SERPINB3: variants seen among roughly 807,000 people sequenced by gnomAD.
SERPINB3 encodes serpin B3.
SERPINB3 carries 33 observed loss-of-function variants against 33.0 expected under a neutral mutation model. The ratio of observed to expected loss-of-function variants is 1.00; its 90% CI spans 0.76 to 1.34. The LOEUF (loss-of-function observed/expected upper bound fraction) is 1.34. Ranked by LOEUF, SERPINB3 falls within the 40% of genes most tolerant of loss-of-function variation. SERPINB3 has a pLI of 0.00. For synonymous variants in SERPINB3, 200 were observed against 170.9 expected (o/e 1.17, Z -1.33); for missense variants, 518 against 461.5 (o/e 1.12, Z -1.12).
chr18:63,656,881 C>A lies in SERPINB3; in HGVS notation c.718G>T (p.Asp240Tyr), dbSNP rs61733410. The A allele has an allele frequency of 2.3e-5, 37 of 1,613,400 alleles. No homozygotes were observed. The highest frequency in any genetic ancestry group is 2.8e-5 in the Non-Finnish European group (33 of 1,179,612). Reference protein sequence around the residue: ...KVLEIPYKGKDLSMIVLLPNE... With the variant: ...KVLEIPYKGKYLSMIVLLPNE... ...GGCAGCAACACAATCATGCTTAGAT[C>A]TTTGCCTTTGTATGGTATTTCCAGG... Residue 240 changes from aspartate to tyrosine, a missense_variant, in exon 7 of 8, where the codon GAT (aspartate) becomes TAT (tyrosine). By Grantham distance (160) the Asp-to-Tyr change is radical. Coordinates refer to ENST00000283752, the MANE Select transcript of SERPINB3 (RefSeq NM_006919.3).
At chr18:63,659,106 G>C (rs1320873630) in intron 4 of SERPINB3, among the ~76,000 whole-genome samples, 1 of 152,072 alleles carries the variant, frequency 6.6e-6, no homozygotes, top group Non-Finnish European at 1.5e-5. Context: ...GTATGTGACT[G>C]AGTCAGTGCC....
chr18:63,658,149 T>A (rs1266595437), intron 5 of SERPINB3, among the ~76,000 whole-genome samples: 1 of 152,252 alleles, frequency 6.6e-6, no homozygotes, highest in South Asian at 2.1e-4. Flanking sequence ...GGAAGGGAGA[T>A]GCTTTCTAAT....
chr18:63,656,631 A>G (rs1441195174), intron 7 of SERPINB3, among the ~76,000 whole-genome samples, 200 bp downstream of exon 7: 4 of 152,226 alleles, frequency 2.6e-5, no homozygotes, highest in Non-Finnish European at 5.9e-5. Context: ...ACTCTAATAA[A>G]TTAATCATTA....
intron 3 of SERPINB3, 102 bp from the exon 4 acceptor site, chr18:63,659,629 A>C: frequency 6.7e-7 from 1 of 1,501,340 alleles, no homozygotes; most frequent in Non-Finnish European, 9.1e-7. Context: ...GGTAGTCTCA[A>C]TGAGGACCTT....
chr18:63,656,613 T>A (rs1913502876), intron 7 of SERPINB3, among the ~76,000 whole-genome samples: 1 of 152,238 alleles, frequency 6.6e-6, no homozygotes, highest in African/African-American at 2.4e-5. Flanking sequence ...TGATATCCAA[T>A]GCATGTAACT....
In SERPINB3 at chr18:63,661,230, T is replaced by C. The variant is rs1913637612; in HGVS notation, c.-14A>G. Reference sequence around the variant, plus strand: ...GAGTGAATTCATGGTGAACTCGATGTGATCTGGAACTCCTGGAAAAGCATC... The same window carrying C: ...GAGTGAATTCATGGTGAACTCGATGCGATCTGGAACTCCTGGAAAAGCATC... On this transcript the variant is annotated 5_prime_UTR_variant, in exon 2 of 8. Transcript: ENST00000283752. The C allele has an allele frequency of 6.2e-7, 1 of 1,612,444 alleles. No individual in the cohort carries two copies. Among genetic ancestry groups the C allele is most frequent in the Non-Finnish European group, 8.5e-7 (1 of 1,179,056 alleles).
At chr18:63,658,709 T>G in intron 4 of SERPINB3, 79 bp from the exon 5 acceptor site, 1 of 1,131,198 alleles carries the variant, frequency 8.8e-7, no homozygotes, top group South Asian at 1.4e-5. Flanking sequence ...TTATTTATAA[T>G]TATAGTAAGC....
At position 63,655,783 on chromosome 18, in the gene SERPINB3, T is replaced by C. The variant is rs759985981; in HGVS notation, c.1047A>G (p.Val349=). 1 of 1,608,850 alleles carries C rather than the reference T, an allele frequency of 6.2e-7. No individual in the cohort carries two copies. The highest frequency in any genetic ancestry group is 1.4e-5 in the African/African-American group (1 of 70,792). ...EGAEAAAATA[V]VGFGSSPTST... ...AAGTAGGTGATGATCCGAATCCTAC[T>C]ACAGCGGTGGCAGCTGCAGCTTCTG... The change falls in exon 8 of 8, where the codon GTA becomes GTG. Residue 349 remains valine (V), a synonymous_variant. Transcript: ENST00000283752.
Position 63,656,217 on chromosome 18 carries a change from A to T in SERPINB3, c.769-156T>A, listed in dbSNP as rs368387153. On this transcript the variant is annotated intron_variant, in intron 7 of 7. Coordinates refer to ENST00000283752, the MANE Select transcript of SERPINB3 (RefSeq NM_006919.3). ...ATATTATTATTCTAATAGGCAAAATATGAGTCCTGGATATATAAATACATT... is the reference window on the plus strand; with the variant it reads ...ATATTATTATTCTAATAGGCAAAATTTGAGTCCTGGATATATAAATACATT... Among the ~76,000 whole-genome samples, 57 of 152,334 alleles carry T rather than the reference A, an allele frequency of 3.7e-4. 1 individual carries two copies. In the South Asian group the frequency reaches 0.011, roughly 29 times the overall value.
rs1311830622 is a variant in SERPINB3 at position 63,655,620 on chromosome 18, T to C, written c.*37A>G. 1 of 1,557,920 alleles carries C rather than the reference T, an allele frequency of 6.4e-7. No individual in the cohort carries two copies. The highest frequency in any genetic ancestry group is 1.2e-5 in the South Asian group (1 of 82,452). On this transcript the variant is annotated 3_prime_UTR_variant, in exon 8 of 8. Transcript: ENST00000283752. The stretch of plus-strand genomic sequence containing the variant: ...ATCAGTTTACCAGAACATCTGCAGG[T>C]GAACATTTTCCAAATGGAGTGACAG...
Position 63,655,359 on chromosome 18 carries a change from CACAA to C in SERPINB3, c.*294_*297del. The C allele has an allele frequency of 3.7e-6, 1 of 268,074 alleles. No homozygotes were observed. The highest frequency in any genetic ancestry group is 1.1e-4 in the South Asian group (1 of 9,410). 16.6% of individuals were successfully genotyped at this position (268,074 alleles called of 1,614,324 possible). A position where few individuals can be genotyped will look rare whatever the true frequency, so the allele number is the denominator to read the frequency against. On this transcript the variant is annotated 3_prime_UTR_variant, in exon 8 of 8. Coordinates refer to ENST00000283752, the MANE Select transcript of SERPINB3 (RefSeq NM_006919.3). ...TTGGTTTGGTTCATTTAAAACAGGT[CACAA>C]ACAGAATTATATTTCAAATTTAGAA...
chr18:63,655,545 A>C lies in SERPINB3; in HGVS notation c.*112T>G, dbSNP rs1598935817. On this transcript the variant is annotated 3_prime_UTR_variant, in exon 8 of 8. Coordinates refer to ENST00000283752, the MANE Select transcript of SERPINB3 (RefSeq NM_006919.3). ...TTCTTGATGATGACGATCATCATCAAGATGAGAAAGAAAAGAAATATGAGC... is the reference window on the plus strand; with the variant it reads ...TTCTTGATGATGACGATCATCATCACGATGAGAAAGAAAAGAAATATGAGC... The C allele has an allele frequency of 3.4e-6, 4 of 1,163,430 alleles. No homozygotes were observed. In the East Asian group the frequency reaches 9.5e-5, roughly 28 times the overall value. 72.1% of individuals were successfully genotyped at this position (1,163,430 alleles called of 1,614,324 possible).
rs200420977 is a variant in SERPINB3 at position 63,656,945 on chromosome 18, A to G, written c.654T>C (p.Ser218=). 1 of 1,613,318 alleles carries G rather than the reference A, an allele frequency of 6.2e-7. No individual in the cohort carries two copies. Among genetic ancestry groups the G allele is most frequent in the East Asian group, 2.2e-5 (1 of 44,828 alleles). Reference sequence around the variant, plus strand: ...CATCCTCCAGCGAGGCAAAATGAAAAGATGTGTATTGCCTCATCATCTGTA... The same window carrying G: ...CATCCTCCAGCGAGGCAAAATGAAAGGATGTGTATTGCCTCATCATCTGTA... The part of the protein sequence containing the change: ...KSIQMMRQYT[S]FHFASLEDVQ... The change falls in exon 7 of 8, where the codon TCT becomes TCC. Residue 218 remains serine, a synonymous_variant. Transcript: ENST00000283752.
intron 3 of SERPINB3, 34 bp from the exon 4 acceptor site, chr18:63,659,561 C>T (rs776294307): frequency 1.2e-6 from 2 of 1,613,010 alleles, no homozygotes; most frequent in South Asian, 1.1e-5. Context: ...CATTCAATTG[C>T]TGTATCAATG....
rs749925376 is a variant in SERPINB3 at position 63,656,886 on chromosome 18, C to T, written c.713G>A (p.Gly238Asp). 6.2e-7 allele frequency: 1 copy of T among 1,613,430 alleles called. No individual in the cohort carries two copies. Residue 238 changes from glycine to aspartate, a missense_variant, in exon 7 of 8, where the codon GGC (glycine) becomes GAC (aspartate). Gly to Asp is a moderately conservative substitution (Grantham distance 94). Transcript: ENST00000283752. ...CAACACAATCATGCTTAGATCTTTG[C>T]CTTTGTATGGTATTTCCAGGACCTT... ...QAKVLEIPYK[G>D]KDLSMIVLLP...
At chr18:63,656,738 C>A (rs180866853) in intron 7 of SERPINB3, 93 bp downstream of exon 7, 3 of 1,407,450 alleles carry the variant, frequency 2.1e-6, no homozygotes, top group Non-Finnish European at 2.8e-6. Context: ...TATTTTGAGG[C>A]AACTCGGTCA....
chr18:63,660,623 G>A (rs1913616210), intron 3 of SERPINB3, 177 bp downstream of exon 3: 13 of 740,216 alleles, frequency 1.8e-5, no homozygotes, highest in Non-Finnish European at 3.0e-5. Flanking sequence ...TTTCAGTAAC[G>A]AAGAAAGGAG....
chr18:63,655,940 T>A lies in SERPINB3; in HGVS notation c.890A>T (p.Asp297Val). Residue 297 changes from aspartate (D) to valine (V), a missense_variant, in exon 8 of 8, where the codon GAC (aspartate) becomes GTC (valine). Transcript: ENST00000283752. ...FKVEESYDLKDTLRTMGMVDI... is the reference protein window; with the variant it reads ...FKVEESYDLKVTLRTMGMVDI... ...CACCATTCCCATGGTTCTCAACGTG[T>A]CCTTGAGGTCATAGCTCTCTTCCAC... is the stretch of plus-strand genomic sequence containing the variant. The A allele has an allele frequency of 6.2e-7, 1 of 1,614,042 alleles. No individual in the cohort carries two copies. The highest frequency in any genetic ancestry group is 2.2e-5 in the East Asian group (1 of 44,872).
intron 4 of SERPINB3, among the ~76,000 whole-genome samples, chr18:63,659,046 C>T (rs1197825417): frequency 6.6e-6 from 1 of 152,154 alleles, no homozygotes; most frequent in Non-Finnish European, 1.5e-5. Flanking sequence ...CCCAAGCCTG[C>T]CCATTCCAAT....
Sources: allele counts gnomAD v4.1 joint callset (sites outside exome capture counted in the v4.1 genomes callset), GRCh38; gene constraint gnomAD v4.1.1; transcripts MANE v1.5; gene names NCBI Gene and HGNC (gene_info 2026-07-23, HGNC 2026-07-21).